KNL1: variants seen among roughly 807,000 people sequenced by gnomAD.
KNL1 encodes the protein kinetochore scaffold 1, also known as outer kinetochore KNL1 complex subunit KNL1.
In KNL1, 66 loss-of-function variants were observed where a neutral mutation model predicts 201.3. The observed-to-expected ratio is 0.33, with a 90% CI of 0.27 to 0.40. The LOEUF (loss-of-function observed/expected upper bound fraction) is 0.40. KNL1 is among the 10% of genes least tolerant of loss of function. The pLI is 1.00. For missense variants in KNL1, 2,815 were observed against 2,690.5 expected (o/e 1.05, Z -1.02); for synonymous variants, 895 against 899.2 (o/e 1.00, Z 0.08).
rs1567010403 is a variant in KNL1 at position 40,624,804 on chromosome 15, A to G, written c.4540A>G (p.Thr1514Ala). The part of the protein sequence containing the change: ...KKELKENIQT[T>A]NYNTALDFHS... ...AGAACTGAAGGAAAATATTCAAACA[A>G]CTAACTATAATACAGCTCTAGATTT... Residue 1514 changes from threonine (T) to alanine (A), a missense_variant, in exon 10 of 26, where the codon ACT becomes GCT. Around this residue, in one of 3 missense-constraint regions of KNL1, gnomAD observed 2,464 missense variants for 2,291.7 expected, o/e 1.08. Transcript: ENST00000399668. 7 of 1,613,708 alleles carry G rather than the reference A, an allele frequency of 4.3e-6. No individual in the cohort carries two copies. The highest frequency in any genetic ancestry group is 1.1e-5 in the South Asian group (1 of 91,066).
chr15:40,631,895 A>C (rs150066320), intron 13 of KNL1, among the ~76,000 whole-genome samples: 2 of 151,744 alleles, frequency 1.3e-5, no homozygotes, highest in Non-Finnish European at 1.5e-5. Context: ...TGTGGTCCCA[A>C]CTACTCAGGA....
chr15:40,659,507 T>C (rs765961174), intron 25 of KNL1, 46 bp downstream of exon 25: 2 of 1,570,176 alleles, frequency 1.3e-6, no homozygotes, highest in African/African-American at 2.7e-5. Flanking sequence ...ACTTCTTTTT[T>C]TTTGAGATGG....
intron 1 of KNL1, among the ~76,000 whole-genome samples, chr15:40,602,488 T>TTC (rs1891839739): frequency 1.4e-5 from 2 of 142,622 alleles, no homozygotes; most frequent in African/African-American, 5.2e-5. Flanking sequence ...TCCTTTTTTT[T>TTC]TTTTTTTTTT....
In KNL1 at chr15:40,625,513, A is replaced by G; in HGVS notation, c.5249A>G (p.Glu1750Gly). The G allele has an allele frequency of 6.2e-7, 1 of 1,611,882 alleles. No individual in the cohort carries two copies. Among genetic ancestry groups the G allele is most frequent in the Non-Finnish European group, 8.5e-7 (1 of 1,179,528 alleles). The change falls in exon 10 of 26, where the codon GAA (glutamate) becomes GGA (glycine). Residue 1750 changes from glutamate (E) to glycine (G), a missense_variant. By Grantham distance (98) the Glu-to-Gly change is moderately conservative. Coordinates refer to ENST00000399668, the MANE Select transcript of KNL1 (RefSeq NM_144508.5). ...TACCAAAAAGAGATTTCACCATATGAAAATAAAATGGGAAAAACTTGCAAT... is the reference window on the plus strand; with the variant it reads ...TACCAAAAAGAGATTTCACCATATGGAAATAAAATGGGAAAAACTTGCAAT... Reference protein sequence around the residue: ...ETYQKEISPYENKMGKTCNSQ... With the variant: ...ETYQKEISPYGNKMGKTCNSQ...
chr15:40,643,519 C>G lies in KNL1; in HGVS notation c.5799-1478C>G, dbSNP rs188962200. On this transcript the variant is annotated intron_variant, in intron 14 of 25. Coordinates refer to ENST00000399668, the MANE Select transcript of KNL1 (RefSeq NM_144508.5). Reference sequence around the variant, plus strand: ...AATTAGCTGGGCGTGGTGGCACGCGCCTGTAGTCCTAGCTACTCGGGAGGC... The same window carrying G: ...AATTAGCTGGGCGTGGTGGCACGCGGCTGTAGTCCTAGCTACTCGGGAGGC... 2.0e-5 allele frequency among the ~76,000 whole-genome samples: 3 copies of G among 152,262 alleles called. No homozygotes were observed. In the East Asian group the frequency reaches 5.8e-4, roughly 29 times the overall value.
intron 14 of KNL1, among the ~76,000 whole-genome samples, chr15:40,644,064 C>T (rs1471877079): frequency 6.6e-6 from 1 of 152,146 alleles, no homozygotes; most frequent in Admixed American, 6.5e-5. Flanking sequence ...ACAGTGGGCC[C>T]AGGGGACCGG....
At chr15:40,658,660 C>T (rs547995195) in intron 24 of KNL1, among the ~76,000 whole-genome samples, 1 of 150,260 alleles carries the variant, frequency 6.7e-6, no homozygotes, top group East Asian at 2.0e-4. Context: ...GGGACGGTGG[C>T]TCACATGAGC....
chr15:40,643,132 G>A (rs1453700263), intron 14 of KNL1: 1 of 152,070 alleles, frequency 6.6e-6, no homozygotes, highest in Non-Finnish European at 1.5e-5. Flanking sequence ...TTTTATAGAT[G>A]CTATTCTAAA....
Position 40,623,781 on chromosome 15 carries a change from T to G in KNL1, c.3517T>G (p.Phe1173Val), listed in dbSNP as rs373188974. 5.4e-5 allele frequency: 87 copies of G among 1,613,818 alleles called. No homozygotes were observed. The Middle Eastern group carries it at 6.6e-4, about 12-fold the overall frequency. ...DLEVTDSHTV[F>V]IDCQATEKIL... is the part of the protein sequence containing the mutation. Reference sequence around the variant, plus strand: ...GGAAGTCACCGATTCCCATACTGTTTTCATTGACTGTCAAGCCACAGAGAA... The same window carrying G: ...GGAAGTCACCGATTCCCATACTGTTGTCATTGACTGTCAAGCCACAGAGAA... Residue 1173 changes from phenylalanine (F) to valine (V), a missense_variant, in exon 10 of 26, where the codon TTC becomes GTC. Around this residue, in one of 3 missense-constraint regions of KNL1, gnomAD observed 2,464 missense variants for 2,291.7 expected, o/e 1.08. Coordinates refer to ENST00000399668, the MANE Select transcript of KNL1 (RefSeq NM_144508.5).
In KNL1 at chr15:40,623,633, G is replaced by C. The variant is rs1335258342; in HGVS notation, c.3369G>C (p.Gln1123His). The C allele has an allele frequency of 6.2e-7, 1 of 1,613,832 alleles. No homozygotes were observed. ...ASKTILYSCG[Q>H]DDMEITRSHT... is the part of the protein sequence containing the mutation. The stretch of plus-strand genomic sequence containing the variant: ...AAACTATTTTGTATTCATGTGGGCA[G>C]GATGACATGGAGATCACTAGGAGTC... Residue 1123 changes from glutamine to histidine, a missense_variant, in exon 10 of 26, where the codon CAG becomes CAC. Transcript: ENST00000399668.
At chr15:40,660,800 C>G (rs1893886858) in intron 25 of KNL1, among the ~76,000 whole-genome samples, 1 of 150,446 alleles carries the variant, frequency 6.6e-6, no homozygotes. Flanking sequence ...GAATCCCCAC[C>G]TCTACTAAAC....
At chr15:40,660,403 A>C (rs952951118) in intron 25 of KNL1, among the ~76,000 whole-genome samples, 1 of 151,942 alleles carries the variant, frequency 6.6e-6, no homozygotes, top group African/African-American at 2.4e-5. Context: ...ACAGTTGCTC[A>C]CACCTGTAAT....
chr15:40,595,782 ATTTTC>A (rs761560353), intron 1 of KNL1, among the ~76,000 whole-genome samples: 12 of 152,258 alleles, frequency 7.9e-5, no homozygotes, highest in South Asian at 6.2e-4. Flanking sequence ...ATTTTATTTT[ATTTTC>A]ATTAATTTAA....
chr15:40,602,437 A>G (rs1366886515), intron 1 of KNL1, among the ~76,000 whole-genome samples: 1 of 142,858 alleles, frequency 7.0e-6, no homozygotes, highest in African/African-American at 2.6e-5. Context: ...CGCCCGGCCA[A>G]AATGCATCGT....
chr15:40,653,882 A>T (rs1032184866), intron 21 of KNL1, among the ~76,000 whole-genome samples: 1 of 151,830 alleles, frequency 6.6e-6, no homozygotes, highest in South Asian at 2.1e-4. Context: ...GTTTTCCCCC[A>T]CTTCACTAAT....
intron 21 of KNL1, 64 bp from the exon 22 acceptor site, chr15:40,654,845 G>C: frequency 8.1e-7 from 1 of 1,239,802 alleles, no homozygotes. Context: ...CTCCAGCCTG[G>C]GAGACAAAGT....
chr15:40,606,745 A>G (rs1304829858), intron 4 of KNL1, among the ~76,000 whole-genome samples: 1 of 152,080 alleles, frequency 6.6e-6, no homozygotes, highest in Non-Finnish European at 1.5e-5. Flanking sequence ...ACTACGGCAC[A>G]TGCCATCATA....
intron 14 of KNL1, among the ~76,000 whole-genome samples, chr15:40,641,843 T>C (rs1893238573): frequency 6.6e-6 from 1 of 152,222 alleles, no homozygotes; most frequent in Non-Finnish European, 1.5e-5. Context: ...TGTTTACATA[T>C]ATAAAAGAAC....
In KNL1 at chr15:40,629,364, C is replaced by G; in HGVS notation, c.5675C>G (p.Pro1892Arg). The stretch of plus-strand genomic sequence containing the variant: ...CAGAAACCCCGACAGAGCAATCTCC[C>G]AGGCAATGTAAGTGCAGTTTCTTGG... ...LIQKPRQSNL[P>R]GNFTVNTPPT... Residue 1892 changes from proline (P) to arginine (R), a missense_variant, in exon 13 of 26, where the codon CCA becomes CGA. Physicochemically the swap from Pro to Arg is moderately radical, Grantham distance 103. Transcript: ENST00000399668. The G allele has an allele frequency of 1.3e-6, 2 of 1,595,024 alleles. No homozygotes were observed. Among genetic ancestry groups the G allele is most frequent in the Non-Finnish European group, 1.7e-6 (2 of 1,174,382 alleles).
Sources: allele counts gnomAD v4.1 joint callset (sites outside exome capture counted in the v4.1 genomes callset), GRCh38; gene constraint gnomAD v4.1.1; regional missense constraint gnomAD v4.1.1; transcripts MANE v1.5; gene names NCBI Gene and HGNC (gene_info 2026-07-23, HGNC 2026-07-21).